FREM2: variants seen among roughly 807,000 people sequenced by gnomAD.
The protein encoded by FREM2 is FRAS1-related extracellular matrix protein 2.
In FREM2, 119 loss-of-function variants were observed where a neutral mutation model predicts 219.9. The ratio of observed to expected loss-of-function variants is 0.54; its 90% confidence interval spans 0.47 to 0.63. FREM2 has a LOEUF of 0.63. Ranked by LOEUF, FREM2 falls within the 30% of genes least tolerant of loss-of-function variation. The pLI, the probability that FREM2 is intolerant of heterozygous loss-of-function variation, is 0.00. For synonymous variants in FREM2, 1,562 were observed against 1,522.8 expected, an observed-to-expected ratio of 1.03 and a Z score of -0.60; for missense variants, 4,030 against 3,993.6, an observed-to-expected ratio of 1.01 and a Z score of -0.25.
In FREM2 at chr13:38,812,807, C is replaced by T. The variant is rs572914374; in HGVS notation, c.6019+27999C>T. Among the ~76,000 whole-genome samples the T allele has an allele frequency of 1.1e-3, 170 of 151,406 alleles. 1 individual carries two copies. Among genetic ancestry groups the T allele is most frequent in the Non-Finnish European group, 1.8e-3 (121 of 67,850 alleles). ...CTGAGATGGGAGGATCGCTTGAGCC[C>T]GGGAGATTGAGGCTGCAGTGAGCCT... On this transcript the variant is annotated intron_variant, in intron 6 of 23. Coordinates refer to ENST00000280481, the MANE Select transcript of FREM2 (RefSeq NM_207361.6).
chr13:38,875,858 A>C (rs1231810040), intron 18 of FREM2, among the ~76,000 whole-genome samples, 164 bp from the exon 19 acceptor site: 1 of 152,230 alleles, frequency 6.6e-6, no homozygotes, highest in Non-Finnish European at 1.5e-5. Flanking sequence ...CAGTTTCTTC[A>C]TCTGCCAGAG....
At chr13:38,762,542 C>T (rs568702890) in intron 2 of FREM2, among the ~76,000 whole-genome samples, 165 of 152,028 alleles carry the variant, frequency 1.1e-3, no homozygotes, top group Non-Finnish European at 1.8e-3. Context: ...TGGGTACAAG[C>T]GATTCTCCTG....
rs549621644 is a variant in FREM2, at chr13:38,715,879, C to T, written c.5263+18092C>T. Among the ~76,000 whole-genome samples, 12 of 152,024 alleles carry T rather than the reference C, an allele frequency of 7.9e-5. No homozygotes were observed. The South Asian group carries it at 2.1e-3, about 26-fold the overall frequency. On this transcript the variant is annotated intron_variant, in intron 2 of 23. Transcript: ENST00000280481. ...GAAAGGAAATTAATTTAACCTTAGT[C>T]TAAGCTTAAATTAAATAATATAAAT...
Position 38,687,375 on chromosome 13 carries a change from T to G in FREM2, c.31T>G (p.Ser11Ala). Residue 11 changes from serine to alanine, a missense_variant, in exon 1 of 24, where the codon TCG (serine) becomes GCG (alanine). This residue lies in a region of FREM2 where 3,102 missense variants were observed against 2,950.7 expected (regional missense o/e 1.05). Transcript: ENST00000280481. ...CTCAGCCGGGACTCCCGGGTTATCC[T>G]CGCGCCGGACAGGCAACTCCACCAG... MHSAGTPGLSSRRTGNSTSFQ... is the reference protein window; with the variant it reads MHSAGTPGLSARRTGNSTSFQ... 1.2e-6 allele frequency: 2 copies of G among 1,608,558 alleles called. No homozygotes were observed. The highest frequency in any genetic ancestry group is 1.1e-5 in the South Asian group (1 of 90,110).
intron 2 of FREM2, among the ~76,000 whole-genome samples, chr13:38,698,744 G>T (rs185500738): frequency 3.9e-5 from 6 of 152,162 alleles, no homozygotes; most frequent in Admixed American, 2.6e-4. Flanking sequence ...CAAAAATACT[G>T]CATCCTTACC....
intron 11 of FREM2, among the ~76,000 whole-genome samples, chr13:38,853,895 A>G (rs1363512290): frequency 1.3e-5 from 2 of 152,190 alleles, no homozygotes; most frequent in African/African-American, 4.8e-5. Context: ...TCTTGGAAGT[A>G]AAATGATTCC....
chr13:38,689,603 C>G lies in FREM2; in HGVS notation c.2259C>G (p.His753Gln), dbSNP rs999497892. 6.2e-7 allele frequency: 1 copy of G among 1,613,336 alleles called. No homozygotes were observed. Among genetic ancestry groups the G allele is most frequent in the Non-Finnish European group, 8.5e-7 (1 of 1,179,592 alleles). The change falls in exon 1 of 24, where the codon CAC (histidine) becomes CAG (glutamine). Residue 753 changes from histidine (H) to glutamine (Q), a missense_variant. Physicochemically the swap from His to Gln is conservative, Grantham distance 24 (BLOSUM62 0). This residue lies in a region of FREM2 where 3,102 missense variants were observed against 2,950.7 expected (regional missense o/e 1.05). Transcript: ENST00000280481. Reference sequence around the variant, plus strand: ...CCCCCACAGACACAGACGAAAATCACCTGCCAGCCCCACTGGGTACCTTGG... The same window carrying G: ...CCCCCACAGACACAGACGAAAATCAGCTGCCAGCCCCACTGGGTACCTTGG... ...TQPPTDTDEN[H>Q]LPAPLGTLVL...
chr13:38,699,321 AAC>A (rs56868797), intron 2 of FREM2, among the ~76,000 whole-genome samples: 7,499 of 152,192 alleles, frequency 0.049, 598 homozygotes, highest in African/African-American at 0.17. Flanking sequence ...CTCATACACA[AAC>A]ACACACACAT....
At chr13:38,712,453 A>G (rs1343840621) in intron 2 of FREM2, among the ~76,000 whole-genome samples, 2 of 152,230 alleles carry the variant, frequency 1.3e-5, no homozygotes, top group Non-Finnish European at 2.9e-5. Context: ...TTCCTCAAGG[A>G]CAATATATTT....
At chr13:38,731,357 A>G (rs1871761562) in intron 2 of FREM2, among the ~76,000 whole-genome samples, 1 of 152,224 alleles carries the variant, frequency 6.6e-6, no homozygotes, top group Admixed American at 6.5e-5. Context: ...TAGAGATGTT[A>G]TTTGGGGATT....
chr13:38,821,850 T>TA (rs1555269871), intron 6 of FREM2: 2 of 152,200 alleles, frequency 1.3e-5, no homozygotes, highest in African/African-American at 2.4e-5. Flanking sequence ...AGGCAAAGGG[T>TA]AAGTCCAGGC....
chr13:38,850,391 G>T (rs1877327620), intron 9 of FREM2, among the ~76,000 whole-genome samples, 156 bp downstream of exon 9: 1 of 152,196 alleles, frequency 6.6e-6, no homozygotes, highest in Non-Finnish European at 1.5e-5. Flanking sequence ...TTTTTAACAG[G>T]TTGAATGAAT....
At chr13:38,797,678 C>A (rs1337614768) in intron 6 of FREM2, among the ~76,000 whole-genome samples, 1 of 151,930 alleles carries the variant, frequency 6.6e-6, no homozygotes, top group Non-Finnish European at 1.5e-5. Flanking sequence ...TAAAATCTGC[C>A]TAGACAAATG....
intron 7 of FREM2, 26 bp downstream of exon 7, chr13:38,846,748 T>G (rs545625513): frequency 1.2e-6 from 2 of 1,612,990 alleles, no homozygotes; most frequent in East Asian, 2.2e-5. Context: ...CTCGGCTCTT[T>G]TGATTGTTCT....
intron 2 of FREM2, among the ~76,000 whole-genome samples, chr13:38,763,737 G>A (rs781585518): frequency 4.6e-5 from 7 of 152,134 alleles, no homozygotes; most frequent in Admixed American, 6.5e-5. Flanking sequence ...TATCTTCAGA[G>A]TGGAATGGAA....
At chr13:38,868,992 C>T (rs572260359) in intron 16 of FREM2, among the ~76,000 whole-genome samples, 9 of 152,312 alleles carry the variant, frequency 5.9e-5, no homozygotes, top group African/African-American at 2.2e-4. Context: ...TGTTTGTCCT[C>T]AACAATCCCA....
chr13:38,718,505 G>C (rs1393981137), intron 2 of FREM2, among the ~76,000 whole-genome samples: 2 of 152,066 alleles, frequency 1.3e-5, no homozygotes, highest in Admixed American at 6.5e-5. Flanking sequence ...CTAATCTTTT[G>C]AACTTGGAAT....
chr13:38,809,236 G>T (rs1198138699), intron 6 of FREM2, among the ~76,000 whole-genome samples: 5 of 148,932 alleles, frequency 3.4e-5, no homozygotes, highest in African/African-American at 1.2e-4. Flanking sequence ...TTTCTGTTTG[G>T]TTCATTTTAA....
chr13:38,823,099 A>T (rs963933996), intron 6 of FREM2, among the ~76,000 whole-genome samples: 1 of 151,944 alleles, frequency 6.6e-6, no homozygotes, highest in African/African-American at 2.4e-5. Flanking sequence ...GCTTATCCCT[A>T]ATCTTGGTGA....
Sources: allele counts gnomAD v4.1 joint callset (sites outside exome capture counted in the v4.1 genomes callset), GRCh38; gene constraint gnomAD v4.1.1; regional missense constraint gnomAD v4.1.1; transcripts MANE v1.5; gene names NCBI Gene and HGNC (gene_info 2026-07-23, HGNC 2026-07-21).